The following XNDC1N variants were observed in gnomAD, a reference collection of about 807,000 sequenced individuals.
The protein encoded by XNDC1N is protein XNDC1N.
At chr11:71,894,267 A>C in the XNDC1N span, 1 of 391,028 alleles carries the variant, frequency 2.6e-6, no homozygotes, top group Non-Finnish European at 4.7e-6. Context: ...CTCTGTCACC[A>C]CCCCCCAGGA....
the XNDC1N span, among the ~76,000 whole-genome samples, chr11:71,898,361 C>T: frequency 6.6e-6 from 1 of 152,038 alleles, no homozygotes; most frequent in Non-Finnish European, 1.5e-5. Context: ...AACCCCAGCA[C>T]TTTGGGAGGC....
At chr11:71,891,445 C>T in the XNDC1N span, among the ~76,000 whole-genome samples, 3 of 151,880 alleles carry the variant, frequency 2.0e-5, no homozygotes, top group African/African-American at 4.8e-5. Context: ...ACTCCGCCTG[C>T]GATTTTGGGA....
the XNDC1N span, among the ~76,000 whole-genome samples, chr11:71,873,098 TTTTG>T: frequency 6.6e-6 from 1 of 152,178 alleles, no homozygotes; most frequent in East Asian, 1.9e-4. Flanking sequence ...TCTTGCTTTG[TTTTG>T]TTTCTTATTT....
chr11:71,898,061 A>G, the XNDC1N span, among the ~76,000 whole-genome samples: 2 of 152,094 alleles, frequency 1.3e-5, no homozygotes, highest in African/African-American at 4.8e-5. Context: ...GCGTGTGCCT[A>G]TAGTCCCAAC....
the XNDC1N span, among the ~76,000 whole-genome samples, chr11:71,895,742 G>A: frequency 6.6e-6 from 1 of 152,156 alleles, no homozygotes; most frequent in Non-Finnish European, 1.5e-5. Flanking sequence ...AGAATAAAAT[G>A]GGCACAGTAT....
the XNDC1N span, among the ~76,000 whole-genome samples, chr11:71,910,558 G>C: frequency 2.6e-4 from 40 of 152,164 alleles, no homozygotes; most frequent in South Asian, 4.1e-4. Flanking sequence ...CTTCTGCTGG[G>C]ACACCCCACG....
chr11:71,909,228 A>T, the XNDC1N span, among the ~76,000 whole-genome samples: 1 of 151,960 alleles, frequency 6.6e-6, no homozygotes, highest in Admixed American at 6.6e-5. Context: ...GGTGTTTGTA[A>T]ACAGGGATGC....
the XNDC1N span, among the ~76,000 whole-genome samples, chr11:71,879,455 T>C: frequency 2.6e-4 from 39 of 152,348 alleles, no homozygotes; most frequent in Admixed American, 4.6e-4. Context: ...TTTAGATTAC[T>C]GGTTGACTTA....
chr11:71,872,882 T>A, the XNDC1N span, among the ~76,000 whole-genome samples: 1 of 152,202 alleles, frequency 6.6e-6, no homozygotes, highest in Non-Finnish European at 1.5e-5. Flanking sequence ...TCCCTGAAAG[T>A]GTCCATTTCA....
chr11:71,923,560 G>GTT, the XNDC1N span: 71,247 of 424,812 alleles, frequency 0.17, 7 homozygotes, highest in Non-Finnish European at 0.2. Context: ...TTTCTGTTTT[G>GTT]TTTTTTTTTT....
At chr11:71,925,507 GT>G in the XNDC1N span, among the ~76,000 whole-genome samples, 1 of 152,074 alleles carries the variant, frequency 6.6e-6, no homozygotes, top group South Asian at 2.1e-4. Flanking sequence ...TGAAAGATGA[GT>G]CCTGAGTCTC....
the XNDC1N span, among the ~76,000 whole-genome samples, chr11:71,899,746 T>A: frequency 6.6e-6 from 1 of 152,164 alleles, no homozygotes; most frequent in African/African-American, 2.4e-5. Context: ...TGTGATAGTC[T>A]GAAAAGTGGC....
the XNDC1N span, chr11:71,928,138 A>G: frequency 3.0e-6 from 1 of 337,314 alleles, no homozygotes; most frequent in African/African-American, 2.1e-5. Flanking sequence ...TGTGGGTTAG[A>G]AAAGTGTGCC....
At chr11:71,878,816 C>G in the XNDC1N span, among the ~76,000 whole-genome samples, 1 of 150,476 alleles carries the variant, frequency 6.6e-6, no homozygotes, top group Non-Finnish European at 1.5e-5. Context: ...CAGGGTGAAA[C>G]CCCATCTCTA....
At chr11:71,916,354 G>T in the XNDC1N span, 4 of 627,570 alleles carry the variant, frequency 6.4e-6, no homozygotes, top group Non-Finnish European at 1.1e-5. Flanking sequence ...GCTATAGAGA[G>T]TAACCTCCAA....
chr11:71,913,161 A>G, the XNDC1N span, among the ~76,000 whole-genome samples: 2 of 152,112 alleles, frequency 1.3e-5, no homozygotes, highest in Non-Finnish European at 2.9e-5. Flanking sequence ...TAGGAACAAT[A>G]TCACAGGGTT....
the XNDC1N span, chr11:71,893,578 G>T: frequency 2.0e-6 from 2 of 1,005,606 alleles, no homozygotes; most frequent in Admixed American, 1.7e-5. Flanking sequence ...CATGCATCTG[G>T]TCATGGTGCT....
chr11:71,908,438 C>T, the XNDC1N span, among the ~76,000 whole-genome samples: 2 of 151,762 alleles, frequency 1.3e-5, no homozygotes, highest in African/African-American at 2.4e-5. Context: ...TAATTATTAG[C>T]GCCAATTAAT....
At chr11:71,905,067 T>G in the XNDC1N span, among the ~76,000 whole-genome samples, 4,899 of 151,520 alleles carry the variant, frequency 0.032, 77 homozygotes, top group East Asian at 0.078. Flanking sequence ...ATATCACAGG[T>G]TGTCCACTGA....
Sources: gnomAD v4.1 joint callset for allele counts (sites outside exome capture counted in the v4.1 genomes callset) on GRCh38, gnomAD v4.1.1 for gene constraint, MANE v1.5 for transcripts, NCBI Gene and HGNC (gene_info 2026-07-23, HGNC 2026-07-21) for gene names.